PCDH15: variants seen among roughly 807,000 people sequenced by gnomAD.
PCDH15 encodes protocadherin related 15.
Under a neutral mutation model 178.5 loss-of-function variants are expected in PCDH15, and 129 were observed. The ratio of observed to expected loss-of-function variants is 0.72; its 90% CI spans 0.63 to 0.84. PCDH15 has a LOEUF of 0.84. Among genes scored for constraint, PCDH15 ranks in the 40% least tolerant of loss-of-function variants. The pLI, the probability that PCDH15 is intolerant of heterozygous loss-of-function variation, is 0.00. For synonymous variants in PCDH15, 800 were observed against 732.0 expected (o/e 1.09, Z -1.50); for missense variants, 2,230 against 2,099.9 (o/e 1.06, Z -1.21).
chr10:54,424,576 A>T (rs1443943080), intron 3 of PCDH15, among the ~76,000 whole-genome samples: 1 of 152,052 alleles, frequency 6.6e-6, no homozygotes, highest in Admixed American at 6.5e-5. Flanking sequence ...TCACTGTGGC[A>T]TTATTCACAA....
rs141828215 is a variant in PCDH15, at chr10:54,576,760, G to T, written c.92-48883C>A. Reference sequence around the variant, plus strand: ...CGTCACTGACTCTCACAGTTACAGTGTAGTAATACATCAGATTATTTGCCA... The same window carrying T: ...CGTCACTGACTCTCACAGTTACAGTTTAGTAATACATCAGATTATTTGCCA... On this transcript the variant is annotated intron_variant, in intron 2 of 37. Coordinates refer to ENST00000644397, the MANE Select transcript of PCDH15 (RefSeq NM_001384140.1). 5.3e-5 allele frequency among the ~76,000 whole-genome samples: 8 copies of T among 152,256 alleles called. No homozygotes were observed. The East Asian group carries it at 1.5e-3, about 29-fold the overall frequency.
intron 2 of PCDH15, among the ~76,000 whole-genome samples, chr10:55,042,286 T>C (rs956654958): frequency 3.3e-5 from 5 of 152,010 alleles, no homozygotes; most frequent in Admixed American, 2.0e-4. Context: ...GTAGACTACT[T>C]GGAGAGGGCC....
intron 1 of PCDH15, among the ~76,000 whole-genome samples, chr10:54,752,277 C>T (rs1040007799): frequency 4.0e-5 from 6 of 151,030 alleles, no homozygotes; most frequent in Non-Finnish European, 8.9e-5. Context: ...GAGATGGAGA[C>T]CATCCTGGCT....
intron 15 of PCDH15, among the ~76,000 whole-genome samples, chr10:54,118,643 G>A (rs572001475): frequency 1.3e-5 from 2 of 152,100 alleles, no homozygotes; most frequent in East Asian, 3.9e-4. Context: ...CTGGGCAACA[G>A]AGTGAGACTC....
chr10:54,883,728 A>G (rs1158550504), intron 3 of PCDH15, among the ~76,000 whole-genome samples: 1 of 151,886 alleles, frequency 6.6e-6, no homozygotes. Flanking sequence ...TGATTTTAAA[A>G]TACAATGGTA....
intron 3 of PCDH15, among the ~76,000 whole-genome samples, chr10:54,464,253 C>T (rs2077379437): frequency 6.6e-6 from 1 of 151,948 alleles, no homozygotes; most frequent in Admixed American, 6.6e-5. Context: ...GCAACAAGGG[C>T]ACAGTTGGGG....
chr10:54,596,847 C>A (rs1383048705), intron 2 of PCDH15, among the ~76,000 whole-genome samples: 1 of 152,098 alleles, frequency 6.6e-6, no homozygotes. Flanking sequence ...TAAGAAATGG[C>A]AAAGAAGGGC....
At chr10:54,432,225 A>C (rs7068838) in intron 3 of PCDH15, among the ~76,000 whole-genome samples, 4,967 of 152,144 alleles carry the variant, frequency 0.033, 122 homozygotes, top group African/African-American at 0.062. Context: ...AAATTCTAAA[A>C]TGTATGTGGA....
intron 2 of PCDH15, among the ~76,000 whole-genome samples, chr10:54,914,919 T>C (rs1954875338): frequency 1.3e-5 from 2 of 152,198 alleles, no homozygotes; most frequent in South Asian, 2.1e-4. Context: ...GCCATTCTCA[T>C]GGCAGAGCAG....
chr10:54,708,110 A>G (rs1169303736), intron 1 of PCDH15, among the ~76,000 whole-genome samples: 2 of 152,250 alleles, frequency 1.3e-5, no homozygotes, highest in African/African-American at 4.8e-5. Context: ...ATTGTAACAT[A>G]AACATCAAGT....
intron 3 of PCDH15, among the ~76,000 whole-genome samples, chr10:54,858,567 C>T (rs1953782113): frequency 6.6e-6 from 1 of 152,022 alleles, no homozygotes; most frequent in Non-Finnish European, 1.5e-5. Context: ...TTCCTCCTCC[C>T]ATATTGCATG....
At chr10:55,511,306 C>T (rs1235118817) in intron 2 of PCDH15, among the ~76,000 whole-genome samples, 3 of 152,072 alleles carry the variant, frequency 2.0e-5, no homozygotes, top group Non-Finnish European at 4.4e-5. Flanking sequence ...CATATTTTAA[C>T]AAGTCTATAT....
At chr10:54,032,487 G>A (rs535365807) in intron 18 of PCDH15, among the ~76,000 whole-genome samples, 1 of 151,904 alleles carries the variant, frequency 6.6e-6, no homozygotes, top group East Asian at 1.9e-4. Flanking sequence ...TTCTTCTGAA[G>A]CTATTTCCAT....
rs1168552662 is a variant in PCDH15, at chr10:54,312,199, A to G, written c.876+5072T>C. Among the ~76,000 whole-genome samples the G allele has an allele frequency of 5.3e-5, 8 of 152,124 alleles. No homozygotes were observed. In the East Asian group the frequency reaches 1.3e-3, roughly 26 times the overall value. On this transcript the variant is annotated intron_variant, in intron 8 of 37. Coordinates refer to ENST00000644397, the MANE Select transcript of PCDH15 (RefSeq NM_001384140.1). ...CAGAATATATAAAGGAAAATAGAAA[A>G]AGAGACAATCAAAAAGAATAAAAGT...
Position 54,011,299 on chromosome 10 carries a change from C to G in PCDH15, c.2751+8893G>C, listed in dbSNP as rs144465930. Among the ~76,000 whole-genome samples, 384 of 152,336 alleles carry G rather than the reference C, an allele frequency of 2.5e-3. 4 individuals are homozygous for G. The highest frequency in any genetic ancestry group is 7.9e-3 in the African/African-American group (330 of 41,588). On this transcript the variant is annotated intron_variant, in intron 20 of 37. Coordinates refer to ENST00000644397, the MANE Select transcript of PCDH15 (RefSeq NM_001384140.1). Reference sequence around the variant, plus strand: ...CACCTCCAGACAGCTGCATCACCCACAAGCTTGGTCCTACAATGCAGCCAC... The same window carrying G: ...CACCTCCAGACAGCTGCATCACCCAGAAGCTTGGTCCTACAATGCAGCCAC...
chr10:55,329,627 A>G (rs981834332), intron 2 of PCDH15, among the ~76,000 whole-genome samples: 4 of 151,830 alleles, frequency 2.6e-5, no homozygotes, highest in Non-Finnish European at 5.9e-5. Context: ...AGCCCTGAAA[A>G]TTCAGTCTTG....
chr10:54,596,959 G>A (rs1156354044), intron 2 of PCDH15, among the ~76,000 whole-genome samples: 1 of 152,062 alleles, frequency 6.6e-6, no homozygotes, highest in Admixed American at 6.6e-5. Flanking sequence ...AGTTCTTAGG[G>A]ACCTTCAAGG....
intron 2 of PCDH15, among the ~76,000 whole-genome samples, chr10:55,429,557 C>T (rs1352318945): frequency 6.6e-6 from 1 of 152,062 alleles, no homozygotes; most frequent in African/African-American, 2.4e-5. Context: ...ATTTTCATAT[C>T]ATGAACAGAA....
In PCDH15 at chr10:54,016,227, C is replaced by T. The variant is rs1229535079; in HGVS notation, c.2751+3965G>A. 2.0e-5 allele frequency among the ~76,000 whole-genome samples: 3 copies of T among 150,578 alleles called. No homozygotes were observed. The East Asian group carries it at 5.9e-4, about 29-fold the overall frequency. ...TCAAAACCACAATGAGATACCATCT[C>T]ACACCAATCAGAATTGCTATTAAAA... On this transcript the variant is annotated intron_variant, in intron 20 of 37. Transcript: ENST00000644397.
Sources: allele counts gnomAD v4.1 joint callset (sites outside exome capture counted in the v4.1 genomes callset), GRCh38; gene constraint gnomAD v4.1.1; transcripts MANE v1.5; gene names NCBI Gene and HGNC (gene_info 2026-07-23, HGNC 2026-07-21).